Variants in C17orf99 observed in about 807,000 individuals in gnomAD.
C17orf99 encodes the protein protein IL-40.
Under a neutral mutation model 22.6 loss-of-function variants are expected in C17orf99, and 18 were observed. The ratio of observed to expected loss-of-function variants is 0.80; its 90% confidence interval spans 0.55 to 1.18. The LOEUF (loss-of-function observed/expected upper bound fraction) is 1.18. Among genes scored for constraint, C17orf99 ranks in the 50% most tolerant of loss-of-function variants. The probability of loss-of-function intolerance (pLI) is 0.00; values close to 1 mark genes in which losing one functional copy is unlikely to be tolerated. For synonymous variants in C17orf99, 147 were observed against 136.6 expected (o/e 1.08, Z -0.53); for missense variants, 328 against 342.7 (o/e 0.96, Z 0.34).
intron 2 of C17orf99, among the ~76,000 whole-genome samples, chr17:78,149,145 A>G (rs1456277046): frequency 6.6e-6 from 1 of 151,980 alleles, no homozygotes; most frequent in Admixed American, 6.6e-5. Flanking sequence ...CAGCCTGACC[A>G]ATATGGTGAA....
intron 2 of C17orf99, among the ~76,000 whole-genome samples, chr17:78,154,136 G>A (rs112789088): frequency 4.0e-5 from 6 of 151,898 alleles, no homozygotes; most frequent in African/African-American, 1.4e-4. Context: ...ATGTTGCCCA[G>A]GCTGGCTTTG....
At chr17:78,158,842 G>A (rs1297354674) in intron 2 of C17orf99, 1 of 163,050 alleles carries the variant, frequency 6.1e-6, no homozygotes, top group Non-Finnish European at 1.5e-5. Flanking sequence ...TCAGAAAGCA[G>A]TGGATTCTGG....
chr17:78,157,501 TA>T, intron 2 of C17orf99: 1 of 1,211,086 alleles, frequency 8.3e-7, no homozygotes, highest in Non-Finnish European at 1.1e-6. Context: ...CAGCATTGTG[TA>T]AAAATGACTT....
At chr17:78,153,918 CTTTTTTTT>C (rs532705146) in intron 2 of C17orf99, among the ~76,000 whole-genome samples, 13 of 79,544 alleles carry the variant, frequency 1.6e-4, no homozygotes, top group East Asian at 4.1e-4. Context: ...AGTATTCCTT[CTTTTTTTT>C]TTTTTTTTTT....
At chr17:78,149,454 T>C (rs1246212128) in intron 2 of C17orf99, among the ~76,000 whole-genome samples, 1 of 144,094 alleles carries the variant, frequency 6.9e-6, no homozygotes, top group Non-Finnish European at 1.5e-5. Flanking sequence ...TCAGTGGGAG[T>C]GGAAAGCTGG....
At chr17:78,150,013 A>ATT (rs60569234) in intron 2 of C17orf99, among the ~76,000 whole-genome samples, 3 of 137,094 alleles carry the variant, frequency 2.2e-5, no homozygotes, top group East Asian at 2.1e-4. Context: ...CCGGAAGCTA[A>ATT]TTTTTTTTTT....
At chr17:78,148,578 GA>G (rs796933743) in intron 2 of C17orf99, among the ~76,000 whole-genome samples, 2 of 152,216 alleles carry the variant, frequency 1.3e-5, no homozygotes, top group African/African-American at 4.8e-5. Context: ...AGGGTAGAAG[GA>G]AAGGGAACAC....
chr17:78,159,876 C>T (rs1225882829), intron 2 of C17orf99, among the ~76,000 whole-genome samples: 2 of 152,142 alleles, frequency 1.3e-5, no homozygotes, highest in East Asian at 3.9e-4. Flanking sequence ...ACGGCTCATC[C>T]CTGTTGCAGC....
At chr17:78,150,078 G>A (rs966551916) in intron 2 of C17orf99, among the ~76,000 whole-genome samples, 61 of 151,046 alleles carry the variant, frequency 4.0e-4, no homozygotes, top group Non-Finnish European at 1.0e-4. Context: ...GCACAAACTC[G>A]GCTCACTGCA....
Position 78,146,992 on chromosome 17 carries a change from G to T in C17orf99, c.70+81G>T, listed in dbSNP as rs1394417746. 8.0e-7 allele frequency: 1 copy of T among 1,252,742 alleles called. No homozygotes were observed. The highest frequency in any genetic ancestry group is 1.1e-6 in the Non-Finnish European group (1 of 875,436). The allele number at this position is 1,252,742 out of a possible 1,614,324, so 77.6% of individuals were successfully genotyped here. On this transcript the variant is annotated intron_variant, in intron 2 of 4. Transcript: ENST00000340363. This position sits in a 1 kb window ranked among gnomAD's most constrained non-coding sequence, Gnocchi z 5.2. ...GAACCCCCATGGTGGAGGGCGCCTC[G>T]GCTGGGAAGGGAGTTACTAGTGGGG... is the stretch of plus-strand genomic sequence containing the variant.
chr17:78,160,654 G>GGT, intron 2 of C17orf99: 3 of 405,472 alleles, frequency 7.4e-6, no homozygotes, highest in South Asian at 2.8e-5. Context: ...TCGGCTCACT[G>GGT]CCACCTGCCA....
At position 78,163,485 on chromosome 17, in the gene C17orf99, T is replaced by C. The variant is rs149453596; in HGVS notation, c.371-610T>C. 3.1e-4 allele frequency among the ~76,000 whole-genome samples: 47 copies of C among 152,358 alleles called. 1 individual carries two copies. In the East Asian group the frequency reaches 8.7e-3, roughly 28 times the overall value. ...ATAAATTTTACATAGGACATACGTATAGTAAAAGATTATTCATTGTTTATC... is the reference window on the plus strand; with the variant it reads ...ATAAATTTTACATAGGACATACGTACAGTAAAAGATTATTCATTGTTTATC... On this transcript the variant is annotated intron_variant, in intron 3 of 4. Transcript: ENST00000340363.
At chr17:78,150,098 T>G (rs1433657382) in intron 2 of C17orf99, among the ~76,000 whole-genome samples, 1 of 151,894 alleles carries the variant, frequency 6.6e-6, no homozygotes, top group Non-Finnish European at 1.5e-5. Flanking sequence ...AACCTCCATC[T>G]CCCAGGCTCA....
At chr17:78,156,423 C>G (rs1782039619) in intron 2 of C17orf99, among the ~76,000 whole-genome samples, 1 of 151,470 alleles carries the variant, frequency 6.6e-6, no homozygotes, top group African/African-American at 2.4e-5. Context: ...GAAATTGACT[C>G]CAGGATTTGC....
intron 2 of C17orf99, among the ~76,000 whole-genome samples, chr17:78,147,453 C>T (rs2145765850): frequency 6.6e-6 from 1 of 152,266 alleles, no homozygotes; most frequent in African/African-American, 2.4e-5. Context: ...TGTCTGGGAC[C>T]CAGCTGGGTA....
At position 78,164,127 on chromosome 17, in the gene C17orf99, C is replaced by G; in HGVS notation, c.403C>G (p.Leu135Val). ...PVSELRANFT[L>V]QDRGAGPRVE... Reference sequence around the variant, plus strand: ...GTCTGAGCTGCGGGCCAACTTCACTCTGCAGGACAGAGGGGCAGGCCCCAG... The same window carrying G: ...GTCTGAGCTGCGGGCCAACTTCACTGTGCAGGACAGAGGGGCAGGCCCCAG... Residue 135 changes from leucine to valine, a missense_variant, in exon 4 of 5, where the codon CTG becomes GTG. Physicochemically the swap from Leu to Val is conservative, Grantham distance 32 (BLOSUM62 1). Transcript: ENST00000340363. 6.4e-7 allele frequency: 1 copy of G among 1,551,742 alleles called. No individual in the cohort carries two copies. Among genetic ancestry groups the G allele is most frequent in the African/African-American group, 1.4e-5 (1 of 73,196 alleles).
intron 3 of C17orf99, among the ~76,000 whole-genome samples, chr17:78,163,818 A>G (rs1380933442): frequency 7.9e-5 from 12 of 152,200 alleles, no homozygotes; most frequent in Non-Finnish European, 4.4e-5. Context: ...GTGAGCCTAG[A>G]TCGCGCCATT....
rs190585166 is a variant in C17orf99 at position 78,162,709 on chromosome 17, C to A, written c.371-1386C>A. Among the ~76,000 whole-genome samples the A allele has an allele frequency of 1.5e-3, 233 of 152,268 alleles. 1 individual carries two copies. The highest frequency in any genetic ancestry group is 5.4e-3 in the African/African-American group (225 of 41,560). ...CCTGTATTCCCAGCATTTTGGGAGGCCAAGGTGGGAGAATCCTTTGAAGCC... is the reference window on the plus strand; with the variant it reads ...CCTGTATTCCCAGCATTTTGGGAGGACAAGGTGGGAGAATCCTTTGAAGCC... On this transcript the variant is annotated intron_variant, in intron 3 of 4. Transcript: ENST00000340363.
chr17:78,158,824 A>ATCTGGAATCAGAAAGCAGTGGAT (rs2075549875), intron 2 of C17orf99: 1 of 164,282 alleles, frequency 6.1e-6, no homozygotes, highest in African/African-American at 2.4e-5. Context: ...TTTTAATTCA[A>ATCTGGAATCAGAAAGCAGTGGAT]TCTGGAATCA....
Sources: gnomAD v4.1 joint callset for allele counts (sites outside exome capture counted in the v4.1 genomes callset) on GRCh38, gnomAD v4.1.1 for gene constraint, Gnocchi (gnomAD v3.1) non-coding constraint, MANE v1.5 for transcripts, NCBI Gene and HGNC (gene_info 2026-07-23, HGNC 2026-07-21) for gene names.